CUX1: variants seen among roughly 807,000 people sequenced by gnomAD.
CUX1 encodes the protein protein CASP.
CUX1 carries 31 observed loss-of-function variants against 158.8 expected under a neutral mutation model. The ratio of observed to expected loss-of-function variants is 0.20; its 90% CI spans 0.15 to 0.26. The LOEUF (loss-of-function observed/expected upper bound fraction) is 0.26. CUX1 is among the 10% of genes least tolerant of loss of function. The pLI is 1.00. For missense variants in CUX1, 1,589 were observed against 2,014.6 expected (o/e 0.79, Z 4.04); for synonymous variants, 879 against 862.1 (o/e 1.02, Z -0.34).
At chr7:102,278,929 A>G (rs1791836149) in intron 18 of CUX1, among the ~76,000 whole-genome samples, 2 of 151,950 alleles carry the variant, frequency 1.3e-5, no homozygotes, top group South Asian at 4.1e-4. Flanking sequence ...AGTCCCAGCT[A>G]CTCAGGAGGC....
At chr7:102,115,086 A>G (rs1403121118) in intron 7 of CUX1, 121 bp from the exon 8 acceptor site, 1 of 816,868 alleles carries the variant, frequency 1.2e-6, no homozygotes, top group Non-Finnish European at 2.0e-6. Context: ...TTTAATCTTT[A>G]TTTTTCCACG....
intron 2 of CUX1, among the ~76,000 whole-genome samples, chr7:102,014,261 A>G (rs1298695209): frequency 1.3e-5 from 2 of 152,166 alleles, no homozygotes; most frequent in Non-Finnish European, 2.9e-5. Flanking sequence ...AAAGACAGAC[A>G]TAAGGGGTAC....
At chr7:102,036,839 A>C (rs2129352018) in intron 3 of CUX1, among the ~76,000 whole-genome samples, 1 of 152,164 alleles carries the variant, frequency 6.6e-6, no homozygotes, top group South Asian at 2.1e-4. Context: ...GGTATGGATC[A>C]GTGAGGAAAG....
intron 1 of CUX1, among the ~76,000 whole-genome samples, chr7:101,888,732 G>C (rs1212352956): frequency 6.6e-6 from 1 of 152,016 alleles, no homozygotes. Context: ...TGAGATTACA[G>C]GTGCACACCA....
At chr7:102,165,357 T>TC (rs1446806175) in intron 9 of CUX1, among the ~76,000 whole-genome samples, 1 of 148,514 alleles carries the variant, frequency 6.7e-6, no homozygotes, top group African/African-American at 2.5e-5. Context: ...AAGCTTTTTT[T>TC]TTTTTTTTTT....
intron 8 of CUX1, among the ~76,000 whole-genome samples, chr7:102,152,215 T>C (rs1835770323): frequency 6.6e-6 from 1 of 151,998 alleles, no homozygotes; most frequent in South Asian, 2.1e-4. Context: ...CTGGGCTTGC[T>C]AGTGCACACC....
chr7:102,128,463 T>A (rs1240131980), intron 8 of CUX1, among the ~76,000 whole-genome samples: 1 of 150,314 alleles, frequency 6.7e-6, no homozygotes, highest in Non-Finnish European at 1.5e-5. Context: ...CTTGCCCAGT[T>A]CTACTTCCCA....
chr7:102,189,696 G>T (rs1318112151), intron 11 of CUX1, 117 bp from the exon 12 acceptor site: 1 of 1,098,716 alleles, frequency 9.1e-7, no homozygotes, highest in Non-Finnish European at 1.4e-6. Flanking sequence ...GACTCCATTC[G>T]CAAGGGCTGG....
chr7:102,110,063 G>T lies in CUX1; in HGVS notation c.531-1635G>T, dbSNP rs556738134. 2.0e-5 allele frequency among the ~76,000 whole-genome samples: 3 copies of T among 152,304 alleles called. No individual in the cohort carries two copies. In the East Asian group the frequency reaches 5.8e-4, roughly 29 times the overall value. On this transcript the variant is annotated intron_variant, in intron 6 of 23. Transcript: ENST00000292535. ...AGTGAATAAGGGACCCCAGAATGTG[G>T]TGCACGTTGTGATCACCTTTGTATT...
intron 1 of CUX1, among the ~76,000 whole-genome samples, chr7:101,868,736 G>C (rs989092100): frequency 6.6e-6 from 1 of 152,244 alleles, no homozygotes; most frequent in African/African-American, 2.4e-5. Flanking sequence ...GGGGTTGACA[G>C]GGCAGAGCTG....
chr7:102,092,925 AAAAAAAAGAAAG>A lies in CUX1; in HGVS notation c.269-4435_269-4424del, dbSNP rs1439188343. Among the ~76,000 whole-genome samples, 53 of 107,514 alleles carry A rather than the reference AAAAAAAAGAAAG, an allele frequency of 4.9e-4. 2 individuals are homozygous for A. Among genetic ancestry groups the A allele is most frequent in the African/African-American group, 2.3e-3 (51 of 22,510 alleles). 70.5% of individuals were successfully genotyped at this position (107,514 alleles called of 152,430 possible). On this transcript the variant is annotated intron_variant, in intron 4 of 23. Coordinates refer to ENST00000292535, the MANE Select transcript of CUX1 (RefSeq NM_181552.4). Reference sequence around the variant, plus strand: ...GAGACTCCGTCTCAAAAAAAAAAAAAAAAAAAAGAAAGAAAGAAAAGAAAAAAAGAGCTCCTT... The same window carrying A: ...GAGACTCCGTCTCAAAAAAAAAAAAAAAAGAAAAGAAAAAAAGAGCTCCTT...
At chr7:102,213,861 A>C (rs967096038) in intron 20 of CUX1, among the ~76,000 whole-genome samples, 4 of 152,156 alleles carry the variant, frequency 2.6e-5, no homozygotes, top group Non-Finnish European at 5.9e-5. Flanking sequence ...GGCCGGGCTC[A>C]GTGGCTCACA....
intron 3 of CUX1, among the ~76,000 whole-genome samples, chr7:102,040,224 C>T (rs1821909625): frequency 6.6e-6 from 1 of 152,112 alleles, no homozygotes. Flanking sequence ...TGGGGTAGAG[C>T]GGGAAGAGGT....
chr7:102,122,109 C>T (rs1832111518), intron 8 of CUX1, among the ~76,000 whole-genome samples: 1 of 152,126 alleles, frequency 6.6e-6, no homozygotes, highest in Non-Finnish European at 1.5e-5. Flanking sequence ...ACAAATATTG[C>T]ATCCCCTGAT....
intron 1 of CUX1, among the ~76,000 whole-genome samples, chr7:101,872,551 T>A (rs1035892604): frequency 8.2e-5 from 12 of 146,342 alleles, no homozygotes; most frequent in South Asian, 2.2e-4. Flanking sequence ...TTTTTTTTTT[T>A]AAATAGATAT....
intron 20 of CUX1, among the ~76,000 whole-genome samples, chr7:102,215,098 A>T (rs1467257444): frequency 6.6e-6 from 1 of 152,200 alleles, no homozygotes; most frequent in Non-Finnish European, 1.5e-5. Context: ...CTTCCTCGCC[A>T]TCAGGCCTTC....
chr7:102,016,599 G>A (rs957057763), intron 2 of CUX1, among the ~76,000 whole-genome samples: 3 of 152,202 alleles, frequency 2.0e-5, no homozygotes, highest in Admixed American at 6.5e-5. Context: ...ACGACAGAGC[G>A]AGACCTCGTT....
At chr7:101,872,158 G>A (rs1008423523) in intron 1 of CUX1, among the ~76,000 whole-genome samples, 7 of 152,142 alleles carry the variant, frequency 4.6e-5, no homozygotes, top group Non-Finnish European at 8.8e-5. Context: ...TTTTGAGACA[G>A]AGTCTCTCTC....
At position 102,267,257 on chromosome 7, in the gene CUX1, G is replaced by A. The variant is rs200112649; in HGVS notation, c.1256-6109G>A. 1.5e-3 allele frequency among the ~76,000 whole-genome samples: 223 copies of A among 152,188 alleles called. 6 individuals are homozygous for A. The East Asian group carries it at 0.036, about 25-fold the overall frequency. On this transcript the variant is annotated intron_variant, in intron 14 of 22. Coordinates refer to the CUX1 transcript ENST00000292538. ...GTGATTTAATAAGACAGGGGCAGCC[G>A]GGCATGTGGCTCATGCCTGTAATCC...
Sources: gnomAD v4.1 joint callset for allele counts (sites outside exome capture counted in the v4.1 genomes callset) on GRCh38, gnomAD v4.1.1 for gene constraint, MANE v1.5 for transcripts, NCBI Gene and HGNC (gene_info 2026-07-23, HGNC 2026-07-21) for gene names.